PUM1: variants seen among roughly 807,000 people sequenced by gnomAD.
The protein encoded by PUM1 is pumilio RNA binding family member 1.
In PUM1, 13 loss-of-function variants were observed where a neutral mutation model predicts 131.8. The ratio of observed to expected loss-of-function variants is 0.10; its 90% CI spans 0.06 to 0.16. PUM1 has a LOEUF of 0.16. Ranked by LOEUF, PUM1 falls within the 10% of genes least tolerant of loss-of-function variation. The pLI is 1.00. For synonymous variants in PUM1, 509 were observed against 556.5 expected (o/e 0.91, Z 1.20); for missense variants, 961 against 1,512.4 (o/e 0.64, Z 6.05).
Position 30,936,662 on chromosome 1 carries a change from C to T in PUM1, c.3416G>A (p.Arg1139Gln), listed in dbSNP as rs746857009. The part of the protein sequence containing the change: ...KMIDVAEPGQ[R>Q]KIVMHKIRPH... Reference sequence around the variant, plus strand: ...GCCTACCTTATGCATGACGATCTTCCGCTGGCCTGGCTCCGCCACGTCAAT... The same window carrying T: ...GCCTACCTTATGCATGACGATCTTCTGCTGGCCTGGCTCCGCCACGTCAAT... Residue 1139 changes from arginine to glutamine, a missense_variant, in exon 21 of 22, where the codon CGG becomes CAG. Physicochemically the swap from Arg to Gln is conservative, Grantham distance 43 (BLOSUM62 1). Transcript: ENST00000426105. 4 of 1,613,640 alleles carry T rather than the reference C, an allele frequency of 2.5e-6. No homozygotes were observed. Among genetic ancestry groups the T allele is most frequent in the East Asian group, 2.2e-5 (1 of 44,872 alleles).
At chr1:31,060,183 G>A (rs1468572298) in intron 1 of PUM1, among the ~76,000 whole-genome samples, 1 of 150,578 alleles carries the variant, frequency 6.6e-6, no homozygotes, top group Non-Finnish European at 1.5e-5. Context: ...AACTTCGGCC[G>A]GGTGTGGTGG....
chr1:31,022,906 C>T (rs1410161666), intron 3 of PUM1, among the ~76,000 whole-genome samples: 1 of 152,094 alleles, frequency 6.6e-6, no homozygotes, highest in African/African-American at 2.4e-5. Flanking sequence ...CAGTGGGTCA[C>T]GCCTGCAATC....
intron 2 of PUM1, among the ~76,000 whole-genome samples, chr1:31,044,954 C>A (rs1397822822): frequency 6.6e-6 from 1 of 152,142 alleles, no homozygotes; most frequent in Non-Finnish European, 1.5e-5. Flanking sequence ...GGATTAAAGG[C>A]ATGCGCCACC....
intron 3 of PUM1, among the ~76,000 whole-genome samples, chr1:31,026,408 T>C (rs1469143797): frequency 1.3e-5 from 2 of 152,192 alleles, no homozygotes; most frequent in African/African-American, 2.4e-5. Flanking sequence ...TCTCTCCTCC[T>C]CCATTAAAGT....
At chr1:30,950,029 C>A in intron 17 of PUM1, 98 bp downstream of exon 17, 1 of 1,397,680 alleles carries the variant, frequency 7.2e-7, no homozygotes, top group South Asian at 1.5e-5. Flanking sequence ...AATGCAAAAC[C>A]ATAAAAGAAA....
At chr1:30,999,551 G>A (rs1278089600) in intron 5 of PUM1, among the ~76,000 whole-genome samples, 11 of 138,256 alleles carry the variant, frequency 8.0e-5, no homozygotes, top group Non-Finnish European at 1.5e-5. Context: ...AGGTTGCAGT[G>A]AGCCAAGATC....
intron 5 of PUM1, 100 bp from the exon 6 acceptor site, chr1:30,995,320 GAT>G: frequency 1.6e-6 from 2 of 1,284,830 alleles, no homozygotes; most frequent in Non-Finnish European, 2.2e-6. Context: ...CTCAGAAGAG[GAT>G]AGTGTTGTGC....
At chr1:30,984,383 G>A (rs750120599) in intron 7 of PUM1, among the ~76,000 whole-genome samples, 11 of 152,148 alleles carry the variant, frequency 7.2e-5, no homozygotes, top group Non-Finnish European at 1.3e-4. Context: ...TCACACAAAT[G>A]CCATCTGCTG....
At chr1:31,057,220 A>G (rs1644260861) in intron 2 of PUM1, among the ~76,000 whole-genome samples, 1 of 152,122 alleles carries the variant, frequency 6.6e-6, no homozygotes, top group Non-Finnish European at 1.5e-5. Flanking sequence ...CCTGGCCAAC[A>G]TGGCAAAACC....
At chr1:30,953,193 T>C (rs186557727) in intron 15 of PUM1, among the ~76,000 whole-genome samples, 5 of 152,118 alleles carry the variant, frequency 3.3e-5, no homozygotes, top group Non-Finnish European at 5.9e-5. Context: ...CTGTAGAAAC[T>C]GTTTCACTGG....
chr1:30,940,033 G>A (rs768867150), intron 20 of PUM1, among the ~76,000 whole-genome samples: 5 of 152,142 alleles, frequency 3.3e-5, no homozygotes, highest in East Asian at 3.9e-4. Context: ...CCTGGCAACC[G>A]GTCAAAAGGA....
At chr1:31,044,610 A>G (rs1302380800) in intron 2 of PUM1, among the ~76,000 whole-genome samples, 1 of 152,142 alleles carries the variant, frequency 6.6e-6, no homozygotes, top group African/African-American at 2.4e-5. Flanking sequence ...GGGGTAATGC[A>G]AATATTCTAA....
chr1:30,981,554 G>A, intron 7 of PUM1, 149 bp from the exon 8 acceptor site: 2 of 528,474 alleles, frequency 3.8e-6, no homozygotes, highest in Non-Finnish European at 6.8e-6. Context: ...ATTCCCATGG[G>A]ATTAAAATGT....
rs373877721 is a variant in PUM1, at chr1:30,971,769, T to G, written c.1506+2882A>C. Among the ~76,000 whole-genome samples the G allele has an allele frequency of 1.2e-4, 18 of 152,336 alleles. No homozygotes were observed. The East Asian group carries it at 1.7e-3, about 15-fold the overall frequency. ...CATAATAAGAGAAATAGAAATTACA[T>G]GTACAGCACTTAACTCTGCACAGAA... is the stretch of plus-strand genomic sequence containing the variant. On this transcript the variant is annotated intron_variant, in intron 10 of 21. Coordinates refer to ENST00000426105, the MANE Select transcript of PUM1 (RefSeq NM_001020658.2).
chr1:31,016,411 A>T (rs1274355631), intron 3 of PUM1, among the ~76,000 whole-genome samples: 2 of 152,270 alleles, frequency 1.3e-5, no homozygotes, highest in African/African-American at 4.8e-5. Context: ...AAAGCAAAGA[A>T]TTTTTAAGTT....
intron 2 of PUM1, among the ~76,000 whole-genome samples, chr1:31,047,726 T>C (rs912379601): frequency 6.6e-6 from 1 of 152,188 alleles, no homozygotes; most frequent in Non-Finnish European, 1.5e-5. Flanking sequence ...GTGGATCACC[T>C]GAGGTCACGT....
chr1:30,969,643 T>C (rs1640791905), intron 10 of PUM1, among the ~76,000 whole-genome samples: 1 of 152,136 alleles, frequency 6.6e-6, no homozygotes, highest in South Asian at 2.1e-4. Context: ...ATCTACTTTT[T>C]TTTTTTTGGT....
At chr1:30,983,102 T>C (rs1641415164) in intron 7 of PUM1, among the ~76,000 whole-genome samples, 1 of 152,246 alleles carries the variant, frequency 6.6e-6, no homozygotes, top group African/African-American at 2.4e-5. Flanking sequence ...CAGTCAAGAC[T>C]ATTTGGTAAC....
At chr1:31,030,883 C>T (rs1259558598) in intron 2 of PUM1, among the ~76,000 whole-genome samples, 1 of 152,158 alleles carries the variant, frequency 6.6e-6, no homozygotes, top group East Asian at 1.9e-4. Context: ...CACACCGTAT[C>T]ACTAAGATAC....
Sources: gnomAD v4.1 joint callset for allele counts (sites outside exome capture counted in the v4.1 genomes callset) on GRCh38, gnomAD v4.1.1 for gene constraint, MANE v1.5 for transcripts, NCBI Gene and HGNC (gene_info 2026-07-23, HGNC 2026-07-21) for gene names.